URGCP: variants seen among roughly 807,000 people sequenced by gnomAD.
URGCP encodes upregulator of cell proliferation.
In URGCP, 13 loss-of-function variants were observed where a neutral mutation model predicts 24.6. The observed-to-expected ratio is 0.53, with a 90% confidence interval of 0.34 to 0.84. The LOEUF is 0.84. Among genes scored for constraint, URGCP ranks in the 40% least tolerant of loss-of-function variants. The pLI, the probability that URGCP is intolerant of heterozygous loss-of-function variation, is 0.01. For missense variants in URGCP, 899 were observed against 1,194.3 expected, an observed-to-expected ratio of 0.75 and a Z score of 3.64; for synonymous variants, 444 against 487.2, an observed-to-expected ratio of 0.91 and a Z score of 1.17.
upstream of URGCP, among the ~76,000 whole-genome samples, chr7:43,911,509 A>C (rs978140829): frequency 1.3e-5 from 2 of 152,202 alleles, no homozygotes; most frequent in African/African-American, 4.8e-5. Flanking sequence ...CAGCCTGGCC[A>C]ACATGGTGAA....
rs551596665 is a variant in URGCP at position 43,877,037 on chromosome 7, G to A, written c.2426C>T (p.Thr809Met). 3.7e-5 allele frequency: 60 copies of A among 1,614,220 alleles called. No homozygotes were observed. Among genetic ancestry groups the A allele is most frequent in the Admixed American group, 5.0e-5 (3 of 60,036 alleles). ...ILHAFLRLEKTGHMPNYQFVY... is the reference protein window; with the variant it reads ...ILHAFLRLEKMGHMPNYQFVY... ...AAACTGGTAGTTGGGCATGTGCCCC[G>A]TTTTTTCTAACCTCAGAAATGCATG... is the stretch of plus-strand genomic sequence containing the variant. The change falls in exon 6 of 6, where the codon ACG (threonine) becomes ATG (methionine). Residue 809 changes from threonine (T) to methionine (M), a missense_variant. Coordinates refer to ENST00000453200, the MANE Select transcript of URGCP (RefSeq NM_001077663.3).
In URGCP at chr7:43,878,429, C is replaced by A; in HGVS notation, c.1034G>T (p.Trp345Leu). The A allele has an allele frequency of 6.2e-7, 1 of 1,614,166 alleles. No individual in the cohort carries two copies. ...LNLRGDIGSHWLQFKLLTEIS... is the reference protein window; with the variant it reads ...LNLRGDIGSHLLQFKLLTEIS... ...TTCTGTCAAGAGCTTAAACTGCAGC[C>A]AGTGAGACCCGATGTCACCTCTCAG... Residue 345 changes from tryptophan (W) to leucine (L), a missense_variant, in exon 6 of 6, where the codon TGG becomes TTG. Transcript: ENST00000453200. The surrounding 1 kb of genome is among the most constrained non-coding windows in gnomAD (Gnocchi z 5.6).
intron 1 of URGCP, among the ~76,000 whole-genome samples, chr7:43,892,709 T>C (rs1267538954): frequency 6.6e-6 from 1 of 152,134 alleles, no homozygotes; most frequent in Non-Finnish European, 1.5e-5. Flanking sequence ...GGTTAGGACT[T>C]CAACACTCCT....
At chr7:43,900,481 A>AAAAAG (rs1554291221) in intron 1 of URGCP, among the ~76,000 whole-genome samples, 12 of 147,628 alleles carry the variant, frequency 8.1e-5, no homozygotes, top group African/African-American at 2.8e-4. Flanking sequence ...AAAAAAAAAA[A>AAAAAG]AAAAAGAAAA....
chr7:43,924,109 A>G (rs934540714), intron 1 of URGCP, among the ~76,000 whole-genome samples: 1 of 152,154 alleles, frequency 6.6e-6, no homozygotes, highest in South Asian at 2.1e-4. Context: ...GCCTCAAGCA[A>G]TCCACCTGCC....
chr7:43,919,271 CAA>C, intron 1 of URGCP: 1 of 821,658 alleles, frequency 1.2e-6, no homozygotes, highest in South Asian at 1.3e-5. Flanking sequence ...TCCTCACACT[CAA>C]GAGGCTGATG....
chr7:43,921,641 G>A (rs1416110310), intron 1 of URGCP, among the ~76,000 whole-genome samples: 2 of 152,150 alleles, frequency 1.3e-5, no homozygotes, highest in East Asian at 1.9e-4. Flanking sequence ...CAAGGGACTC[G>A]GTAAGGCTCT....
intron 1 of URGCP, among the ~76,000 whole-genome samples, chr7:43,898,043 C>T (rs1466487683): frequency 6.6e-6 from 1 of 152,168 alleles, no homozygotes; most frequent in Non-Finnish European, 1.5e-5. Context: ...AGCACGTGAG[C>T]TGGAAGGGGT....
chr7:43,907,460 A>AC (rs1407664162), upstream of URGCP, among the ~76,000 whole-genome samples: 53 of 152,024 alleles, frequency 3.5e-4, no homozygotes, highest in African/African-American at 1.2e-3. Flanking sequence ...TATTGAGATG[A>AC]CCCCCTGCCC....
At position 43,925,205 on chromosome 7, in the gene URGCP, G is replaced by T. The variant is rs138372960; in HGVS notation, c.-116+927C>A. Among the ~76,000 whole-genome samples, 1,053 of 152,298 alleles carry T rather than the reference G, an allele frequency of 6.9e-3. 5 individuals are homozygous for T. The highest frequency in any genetic ancestry group is 0.011 in the Non-Finnish European group (777 of 68,026). ...TGAAGTTGTGTGGAGGACAGATTGGGGGAATGGGAGCGTGAAAGCCAGGGA... is the reference window on the plus strand; with the variant it reads ...TGAAGTTGTGTGGAGGACAGATTGGTGGAATGGGAGCGTGAAAGCCAGGGA... On this transcript the variant is annotated intron_variant, in intron 1 of 5. Transcript: ENST00000426198.
chr7:43,876,385 C>G lies in URGCP; in HGVS notation c.*282G>C. 2.3e-6 allele frequency: 1 copy of G among 432,058 alleles called. No homozygotes were observed. Among genetic ancestry groups the G allele is most frequent in the South Asian group, 2.7e-5 (1 of 36,488 alleles). The allele number at this position is 432,058 out of a possible 1,614,324, so 26.8% of individuals were successfully genotyped here. A position where few individuals can be genotyped will look rare whatever the true frequency, so the allele number is the denominator to read the frequency against. On this transcript the variant is annotated 3_prime_UTR_variant, in exon 6 of 6. Coordinates refer to ENST00000453200, the MANE Select transcript of URGCP (RefSeq NM_001077663.3). ...AGAGAGCAGCTATACAGAGGGCCCA[C>G]CCCGCAGGATCCTTGACAGGAGCTG...
intron 1 of URGCP, among the ~76,000 whole-genome samples, chr7:43,897,160 GTC>G (rs1373504558): frequency 1.3e-5 from 2 of 152,156 alleles, no homozygotes; most frequent in African/African-American, 4.8e-5. Context: ...CCGTGATCCT[GTC>G]ACTGAACTCC....
rs185204534 is a variant in URGCP at position 43,894,758 on chromosome 7, G to T, written c.15-6942C>A. On this transcript the variant is annotated intron_variant, in intron 1 of 5. Coordinates refer to ENST00000453200, the MANE Select transcript of URGCP (RefSeq NM_001077663.3). ...AATGAGAACTCTTGAGGCCAGGCTTGGTGGCTCATGAATGTAATTATGGCA... is the reference window on the plus strand; with the variant it reads ...AATGAGAACTCTTGAGGCCAGGCTTTGTGGCTCATGAATGTAATTATGGCA... Among the ~76,000 whole-genome samples, 252 of 152,250 alleles carry T rather than the reference G, an allele frequency of 1.7e-3. 1 individual carries two copies. Among genetic ancestry groups the T allele is most frequent in the Non-Finnish European group, 2.2e-3 (153 of 68,004 alleles).
At chr7:43,903,968 A>G (rs2095896364) in intron 1 of URGCP, among the ~76,000 whole-genome samples, 1 of 152,200 alleles carries the variant, frequency 6.6e-6, no homozygotes, top group Admixed American at 6.5e-5. Flanking sequence ...ACAGCCAAGC[A>G]AGGGGCAAAG....
upstream of URGCP, among the ~76,000 whole-genome samples, chr7:43,907,325 T>C (rs1179912644): frequency 6.6e-6 from 1 of 152,068 alleles, no homozygotes; most frequent in Non-Finnish European, 1.5e-5. Context: ...GTTGATAACA[T>C]TTTTAGTATT....
chr7:43,896,416 C>T (rs1039996052), intron 1 of URGCP, among the ~76,000 whole-genome samples: 3 of 141,952 alleles, frequency 2.1e-5, no homozygotes, highest in Middle Eastern at 3.7e-3. Flanking sequence ...GATTGCGCCA[C>T]GACAATCCAG....
In URGCP at chr7:43,876,631, C is replaced by T; in HGVS notation, c.*36G>A. 1 of 1,592,868 alleles carries T rather than the reference C, an allele frequency of 6.3e-7. No individual in the cohort carries two copies. The highest frequency in any genetic ancestry group is 8.6e-7 in the Non-Finnish European group (1 of 1,168,434). On this transcript the variant is annotated 3_prime_UTR_variant, in exon 6 of 6. Coordinates refer to ENST00000453200, the MANE Select transcript of URGCP (RefSeq NM_001077663.3). Reference sequence around the variant, plus strand: ...CCCCATCAGACAGGGCTGCCCACAGCAGCCTCCTACACCTGAACTGGGTTT... The same window carrying T: ...CCCCATCAGACAGGGCTGCCCACAGTAGCCTCCTACACCTGAACTGGGTTT...
intron 1 of URGCP, among the ~76,000 whole-genome samples, chr7:43,896,454 C>CAAAA (rs34790770): frequency 1.2e-5 from 1 of 85,146 alleles, no homozygotes; most frequent in African/African-American, 4.3e-5. Flanking sequence ...GACTCTGTCT[C>CAAAA]AAAAAAAAAA....
At position 43,887,813 on chromosome 7, in the gene URGCP, T is replaced by C. The variant is rs2095864308; in HGVS notation, c.18A>G (p.Ile6Met). The C allele has an allele frequency of 2.6e-6, 4 of 1,524,986 alleles. No individual in the cohort carries two copies. The highest frequency in any genetic ancestry group is 3.6e-6 in the Non-Finnish European group (4 of 1,123,972). The allele number at this position is 1,524,986 out of a possible 1,614,324, so 94.5% of individuals were successfully genotyped here. A position where few individuals can be genotyped will look rare whatever the true frequency, so the allele number is the denominator to read the frequency against. ...ACCCTTTGCCCAGTAATTCCACTTC[T>C]ATCCTAAGGAAATAATTAAGATTTA... MASPG[I>M]EVELLGKGHS... The change falls in exon 2 of 6, where the codon ATA becomes ATG. Residue 6 changes from isoleucine (I) to methionine (M), a missense_variant. Coordinates refer to ENST00000453200, the MANE Select transcript of URGCP (RefSeq NM_001077663.3).
Sources: gnomAD v4.1 joint callset for allele counts (sites outside exome capture counted in the v4.1 genomes callset) on GRCh38, gnomAD v4.1.1 for gene constraint, Gnocchi (gnomAD v3.1) non-coding constraint, MANE v1.5 for transcripts, NCBI Gene and HGNC (gene_info 2026-07-23, HGNC 2026-07-21) for gene names.